Variants in CCDC171 observed in about 807,000 individuals in gnomAD.
CCDC171 encodes coiled-coil domain containing 171.
CCDC171 carries 177 observed loss-of-function variants against 168.2 expected under a neutral mutation model. The ratio of observed to expected loss-of-function variants is 1.05; its 90% CI spans 0.93 to 1.19. The LOEUF (loss-of-function observed/expected upper bound fraction) is 1.19, where lower values mean the gene tolerates loss of function less well. CCDC171 is among the 50% of genes most tolerant of loss of function. CCDC171 has a pLI of 0.00. For missense variants in CCDC171, 1,991 were observed against 1,539.0 expected (o/e 1.29, Z -4.91); for synonymous variants, 687 against 540.8 (o/e 1.27, Z -3.75).
chr9:15,621,039 C>T (rs968238054), intron 6 of CCDC171, among the ~76,000 whole-genome samples: 1 of 152,164 alleles, frequency 6.6e-6, no homozygotes, highest in African/African-American at 2.4e-5. Context: ...GATCTCGACT[C>T]ACTGCAATCT....
chr9:15,807,826 G>A (rs374884603), intron 21 of CCDC171, among the ~76,000 whole-genome samples: 33 of 150,706 alleles, frequency 2.2e-4, no homozygotes, highest in African/African-American at 5.9e-4. Flanking sequence ...TCTTCTCACC[G>A]GAGCAAGATT....
chr9:15,929,073 A>G lies in CCDC171; in HGVS notation c.3753+8651A>G, dbSNP rs1826210622. Among the ~76,000 whole-genome samples the G allele has an allele frequency of 2.0e-5, 3 of 151,308 alleles. No homozygotes were observed. In the Admixed American group the frequency reaches 2.0e-4, roughly 10 times the overall value. On this transcript the variant is annotated intron_variant, in intron 25 of 25. Transcript: ENST00000380701. ...TCATATAATATAAAACATATTAGAT[A>G]TATATTATTTTGCATATCAGTATAA... is the stretch of plus-strand genomic sequence containing the variant.
At chr9:15,943,871 A>G (rs1827997206) in intron 25 of CCDC171, among the ~76,000 whole-genome samples, 1 of 151,976 alleles carries the variant, frequency 6.6e-6, no homozygotes, top group East Asian at 1.9e-4. Flanking sequence ...TTGAAAAGAT[A>G]AATTTATTGA....
chr9:15,907,366 C>T (rs1260805976), intron 24 of CCDC171, among the ~76,000 whole-genome samples: 3 of 152,146 alleles, frequency 2.0e-5, no homozygotes, highest in Non-Finnish European at 4.4e-5. Flanking sequence ...TATCTACAAC[C>T]ATCTGATCTT....
At position 15,885,951 on chromosome 9, in the gene CCDC171, T is replaced by G. The variant is rs566656826; in HGVS notation, c.3600+11288T>G. 4 of 152,316 alleles carry G rather than the reference T, an allele frequency of 2.6e-5. No individual in the cohort carries two copies. The South Asian group carries it at 8.3e-4, about 32-fold the overall frequency. The allele number at this position is 152,316 out of a possible 1,614,324, so 9.4% of individuals were successfully genotyped here. ...AATATATGTTTTCATTATATACATG[T>G]ATTTGAATTGAAGAAGAGAACTAAA... On this transcript the variant is annotated intron_variant, in intron 24 of 25. Coordinates refer to ENST00000380701, the MANE Select transcript of CCDC171 (RefSeq NM_173550.4).
downstream of CCDC171, chr9:16,061,704 A>C (rs1026979069): frequency 3.3e-5 from 5 of 152,228 alleles, no homozygotes; most frequent in African/African-American, 1.2e-4. Context: ...CACTTTATAA[A>C]CATTGGGTCA....
intron 4 of CCDC171, among the ~76,000 whole-genome samples, chr9:15,589,184 A>G (rs2041811788): frequency 6.6e-6 from 1 of 152,138 alleles, no homozygotes; most frequent in Non-Finnish European, 1.5e-5. Flanking sequence ...ATTCCCTGAT[A>G]TTGACACACA....
At chr9:15,681,687 G>A (rs1434311505) in intron 10 of CCDC171, among the ~76,000 whole-genome samples, 1 of 151,920 alleles carries the variant, frequency 6.6e-6, no homozygotes, top group East Asian at 1.9e-4. Flanking sequence ...TTGGGGGAAA[G>A]AAGGCTTGCA....
chr9:15,849,289 T>TA (rs2130789039), intron 23 of CCDC171, among the ~76,000 whole-genome samples: 1 of 151,460 alleles, frequency 6.6e-6, no homozygotes, highest in Non-Finnish European at 1.5e-5. Flanking sequence ...TCTAACCTCT[T>TA]ACCACTCTTA....
At chr9:15,792,253 T>C (rs111810314) in intron 21 of CCDC171, among the ~76,000 whole-genome samples, 3,041 of 152,050 alleles carry the variant, frequency 0.02, 118 homozygotes, top group African/African-American at 0.069. Context: ...TGAAATGAAG[T>C]GAGAAGAGAA....
chr9:15,815,408 T>G (rs2059529867), intron 21 of CCDC171, among the ~76,000 whole-genome samples: 1 of 46,516 alleles, frequency 2.1e-5, no homozygotes, highest in African/African-American at 7.6e-5. Context: ...CACTTATTTT[T>G]ACTTCTTTTA....
At chr9:15,605,533 A>AC (rs2043160216) in intron 6 of CCDC171, among the ~76,000 whole-genome samples, 1 of 150,354 alleles carries the variant, frequency 6.7e-6, no homozygotes, top group African/African-American at 2.4e-5. Context: ...AAAAAAAAAA[A>AC]AAAATTAGCC....
At chr9:15,606,013 A>G (rs185030030) in intron 6 of CCDC171, among the ~76,000 whole-genome samples, 5 of 152,266 alleles carry the variant, frequency 3.3e-5, no homozygotes, top group Admixed American at 2.0e-4. Context: ...CTATACACAC[A>G]CATACCTATG....
At chr9:15,849,550 A>T (rs2061040665) in intron 23 of CCDC171, among the ~76,000 whole-genome samples, 1 of 151,676 alleles carries the variant, frequency 6.6e-6, no homozygotes, top group East Asian at 1.9e-4. Context: ...ATACTAGTAA[A>T]AACATAATAT....
intron 1 of CCDC171, among the ~76,000 whole-genome samples, chr9:15,554,391 T>C (rs983478371): frequency 2.0e-5 from 3 of 152,094 alleles, no homozygotes; most frequent in Admixed American, 6.6e-5. Context: ...ATGAACATGG[T>C]TTTTCATAAA....
chr9:15,833,150 G>A (rs1002440579), intron 21 of CCDC171, among the ~76,000 whole-genome samples: 1 of 151,954 alleles, frequency 6.6e-6, no homozygotes, highest in African/African-American at 2.4e-5. Context: ...ATCATGTCTG[G>A]CTAATTGTTT....
intron 18 of CCDC171, among the ~76,000 whole-genome samples, chr9:15,761,938 C>T (rs528249169): frequency 2.0e-5 from 3 of 152,106 alleles, no homozygotes; most frequent in East Asian, 3.9e-4. Flanking sequence ...TTTTATTTGC[C>T]TATCAATTTT....
intron 25 of CCDC171, among the ~76,000 whole-genome samples, chr9:15,947,254 T>G (rs113226115): frequency 6.6e-6 from 1 of 151,990 alleles, no homozygotes; most frequent in Non-Finnish European, 1.5e-5. Flanking sequence ...TAAAAACTTA[T>G]AGGGTGTTTG....
intron 7 of CCDC171, among the ~76,000 whole-genome samples, chr9:15,653,302 G>T (rs1188166295): frequency 6.6e-6 from 1 of 151,954 alleles, no homozygotes; most frequent in African/African-American, 2.4e-5. Flanking sequence ...ACCATGCCTG[G>T]CTAATTTTTG....
Sources: allele counts gnomAD v4.1 joint callset (sites outside exome capture counted in the v4.1 genomes callset), GRCh38; gene constraint gnomAD v4.1.1; transcripts MANE v1.5; gene names NCBI Gene and HGNC (gene_info 2026-07-23, HGNC 2026-07-21).